Variants in WWC1 observed in about 807,000 individuals in gnomAD.
WWC1 encodes the protein WW and C2 domain containing 1.
WWC1 carries 55 observed loss-of-function variants against 138.4 expected under a neutral mutation model. The observed-to-expected ratio is 0.40, with a 90% confidence interval of 0.32 to 0.50. The LOEUF is 0.50. Ranked by LOEUF, WWC1 falls within the 20% of genes least tolerant of loss-of-function variation. The probability of loss-of-function intolerance (pLI) is 0.72; values close to 1 mark genes in which losing one functional copy is unlikely to be tolerated. For missense variants in WWC1, 1,226 were observed against 1,420.4 expected (o/e 0.86, Z 2.20); for synonymous variants, 524 against 564.9 (o/e 0.93, Z 1.03).
intron 3 of WWC1, among the ~76,000 whole-genome samples, chr5:168,391,940 A>G (rs1778547824): frequency 6.6e-6 from 1 of 151,926 alleles, no homozygotes. Context: ...TCTATAGGGC[A>G]CTTGCAAAAA....
At chr5:168,359,806 G>C (rs1158006691) in intron 1 of WWC1, among the ~76,000 whole-genome samples, 1 of 152,120 alleles carries the variant, frequency 6.6e-6, no homozygotes, top group Non-Finnish European at 1.5e-5. Flanking sequence ...CAGTTCTTCG[G>C]AGTAGCTTTT....
intron 1 of WWC1, among the ~76,000 whole-genome samples, chr5:168,322,486 G>A (rs1772197663): frequency 1.3e-5 from 2 of 152,184 alleles, no homozygotes; most frequent in South Asian, 2.1e-4. Flanking sequence ...TTGACCTGTG[G>A]GTCATGGTTC....
In WWC1 at chr5:168,361,814, G is replaced by A. The variant is rs561619485; in HGVS notation, c.120-9610G>A. ...GAAAAATAAATCACTGGGTGCGGTG[G>A]CTCACGCCTGTAATCCCAGCACTTT... On this transcript the variant is annotated intron_variant, in intron 1 of 22. Transcript: ENST00000265293. Among the ~76,000 whole-genome samples, 10 of 152,336 alleles carry A rather than the reference G, an allele frequency of 6.6e-5. No individual in the cohort carries two copies. The South Asian group carries it at 1.4e-3, about 22-fold the overall frequency.
At chr5:168,462,760 G>C (rs1756926011) in intron 20 of WWC1, among the ~76,000 whole-genome samples, 1 of 152,254 alleles carries the variant, frequency 6.6e-6, no homozygotes, top group Non-Finnish European at 1.5e-5. Context: ...CAGAGGCTGG[G>C]CCTGGGCCCT....
rs148256474 is a variant in WWC1 at position 168,302,430 on chromosome 5, G to C, written c.119+10159G>C. Among the ~76,000 whole-genome samples, 76 of 152,244 alleles carry C rather than the reference G, an allele frequency of 5.0e-4. No homozygotes were observed. The East Asian group carries it at 0.014, about 28-fold the overall frequency. On this transcript the variant is annotated intron_variant, in intron 1 of 22. Transcript: ENST00000265293. ...TGGGAAATAGTTAAATAGATAAATC[G>C]CATTATGACTGGGGGTTTGATGTTC...
chr5:168,306,889 G>A (rs1039818837), intron 1 of WWC1, among the ~76,000 whole-genome samples: 5 of 152,182 alleles, frequency 3.3e-5, no homozygotes, highest in African/African-American at 2.4e-5. Flanking sequence ...AAGCCACCAC[G>A]CCCAGCCAGT....
At chr5:168,440,808 C>T (rs917014689) in intron 15 of WWC1, among the ~76,000 whole-genome samples, 5 of 152,170 alleles carry the variant, frequency 3.3e-5, no homozygotes, top group African/African-American at 7.2e-5. Context: ...TGAGCCACCG[C>T]GCCCGGCCTG....
intron 1 of WWC1, among the ~76,000 whole-genome samples, chr5:168,331,788 A>G (rs990932084): frequency 1.3e-5 from 2 of 152,216 alleles, no homozygotes; most frequent in Non-Finnish European, 2.9e-5. Flanking sequence ...TGAAGTCAAG[A>G]AAGTGCTAGA....
At chr5:168,430,643 A>G (rs972916780) in intron 14 of WWC1, among the ~76,000 whole-genome samples, 3 of 78,084 alleles carry the variant, frequency 3.8e-5, no homozygotes, top group African/African-American at 1.1e-4. Flanking sequence ...CCAAGAGTCA[A>G]CACCAGTCAC....
intron 3 of WWC1, among the ~76,000 whole-genome samples, chr5:168,396,164 A>G (rs1459797995): frequency 2.0e-5 from 3 of 152,168 alleles, no homozygotes; most frequent in Non-Finnish European, 4.4e-5. Context: ...CAGGCAGATC[A>G]CCTGCAGTCA....
At chr5:168,455,600 C>T in intron 19 of WWC1, 80 bp downstream of exon 19, 1 of 1,538,530 alleles carries the variant, frequency 6.5e-7, no homozygotes, top group Non-Finnish European at 8.8e-7. Context: ...AATCCCATTA[C>T]TCTCATGTTA....
intron 14 of WWC1, 103 bp from the exon 15 acceptor site, chr5:168,431,149 A>G: frequency 9.7e-7 from 1 of 1,029,782 alleles, no homozygotes; most frequent in South Asian, 1.6e-5. Context: ...ACAAACTCTC[A>G]TCCACTGTTG....
At chr5:168,319,926 T>C (rs1771919678) in intron 1 of WWC1, among the ~76,000 whole-genome samples, 1 of 152,222 alleles carries the variant, frequency 6.6e-6, no homozygotes, top group Non-Finnish European at 1.5e-5. Flanking sequence ...ATTGTTTTAT[T>C]TTTATTTTTT....
chr5:168,339,907 TTCTCTC>T (rs10593765), intron 1 of WWC1, among the ~76,000 whole-genome samples: 1,857 of 138,394 alleles, frequency 0.013, 53 homozygotes, highest in African/African-American at 0.048. Context: ...CTCTCTCTCT[TTCTCTC>T]TCTCTCTCTC....
chr5:168,417,206 G>T (rs922766070), intron 9 of WWC1, among the ~76,000 whole-genome samples: 2 of 152,180 alleles, frequency 1.3e-5, no homozygotes, highest in East Asian at 3.8e-4. Context: ...AGAATTTGAT[G>T]TACATCATTT....
At chr5:168,385,822 G>C (rs1778002300) in intron 3 of WWC1, among the ~76,000 whole-genome samples, 1 of 152,174 alleles carries the variant, frequency 6.6e-6, no homozygotes, top group Non-Finnish European at 1.5e-5. Flanking sequence ...TTAATAAATA[G>C]TTAAAATGGT....
chr5:168,312,369 AG>A (rs1227746596), intron 1 of WWC1, among the ~76,000 whole-genome samples: 1 of 152,232 alleles, frequency 6.6e-6, no homozygotes, highest in African/African-American at 2.4e-5. Context: ...GTGGCGGCAC[AG>A]GGGGATTGAG....
At chr5:168,434,324 G>A (rs1393838483) in intron 15 of WWC1, among the ~76,000 whole-genome samples, 4 of 151,642 alleles carry the variant, frequency 2.6e-5, no homozygotes, top group South Asian at 2.1e-4. Context: ...TCAGGCTGTC[G>A]TATTCTGGTG....
chr5:168,338,310 C>CAA (rs201532417), intron 1 of WWC1, among the ~76,000 whole-genome samples: 2,008 of 125,416 alleles, frequency 0.016, 40 homozygotes, highest in African/African-American at 0.052. Flanking sequence ...GACTTTGCCT[C>CAA]AAAAAAAAAA....
Sources: gnomAD v4.1 joint callset for allele counts (sites outside exome capture counted in the v4.1 genomes callset) on GRCh38, gnomAD v4.1.1 for gene constraint, MANE v1.5 for transcripts, NCBI Gene and HGNC (gene_info 2026-07-23, HGNC 2026-07-21) for gene names.